CDH4: variants seen among roughly 807,000 people sequenced by gnomAD.
CDH4 encodes the protein cadherin-4.
CDH4 carries 33 observed loss-of-function variants against 86.0 expected under a neutral mutation model. The observed-to-expected ratio is 0.38, with a 90% CI of 0.29 to 0.51. The LOEUF (loss-of-function observed/expected upper bound fraction) is 0.51. Ranked by LOEUF, CDH4 falls within the 20% of genes least tolerant of loss-of-function variation. CDH4 has a pLI of 0.86. For missense variants in CDH4, 1,114 were observed against 1,307.4 expected (o/e 0.85, Z 2.28); for synonymous variants, 555 against 549.4 (o/e 1.01, Z -0.14).
At chr20:61,636,387 T>C (rs2086946768) in intron 2 of CDH4, among the ~76,000 whole-genome samples, 1 of 152,252 alleles carries the variant, frequency 6.6e-6, no homozygotes, top group African/African-American at 2.4e-5. Flanking sequence ...AAGAAGTTTC[T>C]TTTTAAGAGA....
chr20:61,903,930 C>T (rs965434904), intron 8 of CDH4, among the ~76,000 whole-genome samples: 1 of 152,258 alleles, frequency 6.6e-6, no homozygotes, highest in Non-Finnish European at 1.5e-5. Flanking sequence ...GGCCTGTCTC[C>T]TTGCGAGGGC....
intron 2 of CDH4, among the ~76,000 whole-genome samples, chr20:61,653,587 A>G (rs1444382671): frequency 3.0e-5 from 4 of 131,510 alleles, no homozygotes; most frequent in African/African-American, 8.4e-5. Flanking sequence ...TCCCTCCCGG[A>G]CGGGGTGGCT....
intron 7 of CDH4, among the ~76,000 whole-genome samples, chr20:61,891,091 G>T (rs147441016): frequency 1.3e-3 from 202 of 152,234 alleles, no homozygotes; most frequent in African/African-American, 4.7e-3. Context: ...CAACACACCC[G>T]CAAGCACAGA....
intron 2 of CDH4, among the ~76,000 whole-genome samples, chr20:61,450,077 T>G (rs1443483898): frequency 6.6e-6 from 1 of 152,226 alleles, no homozygotes; most frequent in Non-Finnish European, 1.5e-5. Context: ...TGAGGGTATG[T>G]TAATTTCTAC....
At chr20:61,477,239 G>A (rs906760025) in intron 2 of CDH4, among the ~76,000 whole-genome samples, 3 of 152,228 alleles carry the variant, frequency 2.0e-5, no homozygotes, top group Non-Finnish European at 2.9e-5. Context: ...GGCAGGAGGG[G>A]TCCTATGGCC....
At chr20:61,713,491 A>T (rs1277834756) in intron 2 of CDH4, among the ~76,000 whole-genome samples, 1 of 152,206 alleles carries the variant, frequency 6.6e-6, no homozygotes. Context: ...GGAATTCATC[A>T]TGCTTGTCTG....
intron 2 of CDH4, among the ~76,000 whole-genome samples, chr20:61,445,578 C>T (rs2085345297): frequency 6.6e-6 from 1 of 152,114 alleles, no homozygotes; most frequent in African/African-American, 2.4e-5. Flanking sequence ...CCCTCCCTTC[C>T]TCTTCCTTCC....
intron 2 of CDH4, among the ~76,000 whole-genome samples, chr20:61,624,712 G>T (rs1220791438): frequency 6.6e-6 from 1 of 152,228 alleles, no homozygotes; most frequent in Admixed American, 6.5e-5. Context: ...GGAAAGCAGT[G>T]GTGAATTCTC....
chr20:61,627,676 G>A (rs1397433655), intron 2 of CDH4, among the ~76,000 whole-genome samples: 1 of 152,050 alleles, frequency 6.6e-6, no homozygotes, highest in Non-Finnish European at 1.5e-5. Flanking sequence ...AGGCCCCCTG[G>A]TTGGGACAGC....
intron 8 of CDH4, among the ~76,000 whole-genome samples, chr20:61,906,582 G>A (rs1228928324): frequency 2.0e-5 from 3 of 152,184 alleles, no homozygotes; most frequent in Non-Finnish European, 4.4e-5. Context: ...AGGCTGCTTT[G>A]GGGGCAAGGC....
intron 2 of CDH4, among the ~76,000 whole-genome samples, chr20:61,650,489 T>C (rs1288982120): frequency 6.6e-6 from 1 of 152,254 alleles, no homozygotes; most frequent in Non-Finnish European, 1.5e-5. Context: ...AAATGCTGGC[T>C]GATACTGTCA....
chr20:61,680,240 G>C (rs1262494696), intron 2 of CDH4, among the ~76,000 whole-genome samples: 4 of 152,226 alleles, frequency 2.6e-5, no homozygotes, highest in Admixed American at 6.5e-5. Flanking sequence ...CCCTGGCTCT[G>C]TGTCAGGATC....
At chr20:61,889,619 A>C (rs368463926) in intron 7 of CDH4, among the ~76,000 whole-genome samples, 1 of 11,876 alleles carries the variant, frequency 8.4e-5, no homozygotes, top group Non-Finnish European at 2.3e-4. Flanking sequence ...TGGATAGATG[A>C]TGGATGGATG....
chr20:61,908,922 C>T (rs1004727442), intron 8 of CDH4, among the ~76,000 whole-genome samples: 2 of 152,234 alleles, frequency 1.3e-5, no homozygotes, highest in African/African-American at 4.8e-5. Flanking sequence ...CTGTTTGCTG[C>T]ACCTGAGGGC....
chr20:61,881,788 G>C (rs1187655299), intron 7 of CDH4, among the ~76,000 whole-genome samples: 1 of 152,220 alleles, frequency 6.6e-6, no homozygotes, highest in Non-Finnish European at 1.5e-5. Flanking sequence ...TCTGGACTGG[G>C]TTTAATCGTG....
At chr20:61,891,149 T>C (rs978463929) in intron 7 of CDH4, among the ~76,000 whole-genome samples, 20 of 151,864 alleles carry the variant, frequency 1.3e-4, no homozygotes, top group Admixed American at 9.2e-4. Context: ...CAGGGCGCCA[T>C]GTGGGGCAAA....
chr20:61,464,962 A>C (rs748762886), intron 2 of CDH4, among the ~76,000 whole-genome samples: 1 of 152,228 alleles, frequency 6.6e-6, no homozygotes, highest in Non-Finnish European at 1.5e-5. Flanking sequence ...TAATAAGCTA[A>C]AAGTCTGAAA....
intron 2 of CDH4, among the ~76,000 whole-genome samples, chr20:61,415,025 G>A (rs1209488935): frequency 1.3e-5 from 2 of 152,244 alleles, no homozygotes; most frequent in African/African-American, 4.8e-5. Context: ...GGGAGGCTGG[G>A]CTTTTCCGCT....
At chr20:61,553,003 G>C (rs1168656391) in intron 2 of CDH4, among the ~76,000 whole-genome samples, 2 of 152,204 alleles carry the variant, frequency 1.3e-5, no homozygotes, top group Non-Finnish European at 2.9e-5. Context: ...GTTTATAGCA[G>C]TACCATTCAT....
Sources: allele counts gnomAD v4.1 joint callset (sites outside exome capture counted in the v4.1 genomes callset), GRCh38; gene constraint gnomAD v4.1.1; transcripts MANE v1.5; gene names NCBI Gene and HGNC (gene_info 2026-07-23, HGNC 2026-07-21).